The following NUFIP2 variants were observed in gnomAD, a reference collection of about 807,000 sequenced individuals.
NUFIP2 encodes nuclear FMR1 interacting protein 2.
In NUFIP2, 6 loss-of-function variants were observed where a neutral mutation model predicts 56.9. The ratio of observed to expected loss-of-function variants is 0.11; its 90% CI spans 0.06 to 0.21. NUFIP2 has a LOEUF of 0.21. NUFIP2 is among the 10% of genes least tolerant of loss of function. NUFIP2 has a pLI of 1.00. For synonymous variants in NUFIP2, 321 were observed against 298.2 expected (o/e 1.08, Z -0.79); for missense variants, 828 against 826.8 (o/e 1.00, Z -0.02).
rs1442661225 is a variant in NUFIP2 at position 29,263,688 on chromosome 17, T to C, written c.*851A>G. ...CCAGTTATACAATTACATTAAAATATGGGCACAGGAATATTTTTCCAGATT... is the reference window on the plus strand; with the variant it reads ...CCAGTTATACAATTACATTAAAATACGGGCACAGGAATATTTTTCCAGATT... On this transcript the variant is annotated 3_prime_UTR_variant, in exon 4 of 4. Coordinates refer to ENST00000225388, the MANE Select transcript of NUFIP2 (RefSeq NM_020772.3). 6.6e-6 allele frequency: 1 copy of C among 152,640 alleles called. No homozygotes were observed. The highest frequency in any genetic ancestry group is 1.5e-5 in the Non-Finnish European group (1 of 68,046). The allele number at this position is 152,640 out of a possible 1,614,324, so 9.5% of individuals were successfully genotyped here.
chr17:29,271,975 A>G (rs1445792069), intron 2 of NUFIP2, among the ~76,000 whole-genome samples: 4 of 150,282 alleles, frequency 2.7e-5, no homozygotes, highest in Non-Finnish European at 5.9e-5. Flanking sequence ...CAGGAGGCTG[A>G]GACAGGAGAA....
Position 29,258,538 on chromosome 17 carries a change from C to G in NUFIP2, c.*6001G>C, listed in dbSNP as rs2068983329. The G allele has an allele frequency of 6.6e-6, 1 of 152,144 alleles. No individual in the cohort carries two copies. The highest frequency in any genetic ancestry group is 2.4e-5 in the African/African-American group (1 of 41,426). 9.4% of individuals were successfully genotyped at this position (152,144 alleles called of 1,614,324 possible). On this transcript the variant is annotated 3_prime_UTR_variant, in exon 4 of 4. Coordinates refer to ENST00000225388, the MANE Select transcript of NUFIP2 (RefSeq NM_020772.3). Reference sequence around the variant, plus strand: ...GTCCTTTAAGCCATTCTTCCCAATTCCTCTTTCTGAGGCAGAGAGAGGGAA... The same window carrying G: ...GTCCTTTAAGCCATTCTTCCCAATTGCTCTTTCTGAGGCAGAGAGAGGGAA...
At chr17:29,284,719 A>G (rs1480684113) in intron 2 of NUFIP2, among the ~76,000 whole-genome samples, 7 of 150,636 alleles carry the variant, frequency 4.6e-5, no homozygotes, top group Non-Finnish European at 7.4e-5. Context: ...AAAAAAAAAA[A>G]AAAAAAAAGA....
intron 3 of NUFIP2, among the ~76,000 whole-genome samples, chr17:29,265,151 A>G (rs1345933357): frequency 6.6e-6 from 1 of 152,178 alleles, no homozygotes; most frequent in African/African-American, 2.4e-5. Flanking sequence ...CAGCACTAAC[A>G]AAAGACTATG....
chr17:29,265,480 T>A (rs1205274542), intron 3 of NUFIP2, among the ~76,000 whole-genome samples: 3 of 147,298 alleles, frequency 2.0e-5, no homozygotes, highest in African/African-American at 4.9e-5. Context: ...TTTTTTGTAT[T>A]TTTAGTAGAC....
intron 2 of NUFIP2, among the ~76,000 whole-genome samples, chr17:29,282,934 A>G (rs1220156909): frequency 6.6e-6 from 1 of 152,234 alleles, no homozygotes; most frequent in Non-Finnish European, 1.5e-5. Flanking sequence ...TGAGTGGCCA[A>G]TGGACTGCTA....
intron 2 of NUFIP2, among the ~76,000 whole-genome samples, chr17:29,279,819 TATTTTC>T (rs1242313682): frequency 1.3e-5 from 2 of 152,174 alleles, no homozygotes; most frequent in Non-Finnish European, 2.9e-5. Flanking sequence ...AGACTATTTT[TATTTTC>T]ATTTTTTGAG....
rs1282202339 is a variant in NUFIP2 at position 29,286,509 on chromosome 17, A to G, written c.1485T>C (p.Asp495=). ...TAQVDLPSQT[D]QQNLGDIFQN... is the part of the protein sequence containing the mutation. The stretch of plus-strand genomic sequence containing the variant: ...GGAAGATATCCCCCAGGTTTTGCTG[A>G]TCTGTCTGAGAGGGCAGATCCACTT... The change falls in exon 2 of 4, where the codon GAT becomes GAC. Residue 495 remains aspartate, a synonymous_variant. Transcript: ENST00000225388. 1.2e-6 allele frequency: 2 copies of G among 1,614,060 alleles called. No homozygotes were observed. Among genetic ancestry groups the G allele is most frequent in the Admixed American group, 3.3e-5 (2 of 60,000 alleles).
At position 29,287,722 on chromosome 17, in the gene NUFIP2, G is replaced by A. The variant is rs2153012661; in HGVS notation, c.278-6C>T. ...ACCGTTTAGTTCACCATAGCCTAGG[G>A]GAGGGGAAAAAAAGGATTAAAAAAA... On this transcript the variant is annotated splice_polypyrimidine_tract_variant and splice_region_variant and intron_variant, in intron 1 of 3. Transcript: ENST00000225388. The A allele has an allele frequency of 6.4e-7, 1 of 1,561,954 alleles. No individual in the cohort carries two copies. Among genetic ancestry groups the A allele is most frequent in the Non-Finnish European group, 8.6e-7 (1 of 1,163,422 alleles).
chr17:29,267,706 T>C (rs1427014432), intron 2 of NUFIP2, among the ~76,000 whole-genome samples, 176 bp from the exon 3 acceptor site: 1 of 152,034 alleles, frequency 6.6e-6, no homozygotes, highest in Non-Finnish European at 1.5e-5. Flanking sequence ...TATAGTTTTC[T>C]TTTTTTTAAG....
chr17:29,290,068 C>T (rs755725106), intron 1 of NUFIP2, among the ~76,000 whole-genome samples: 5 of 152,008 alleles, frequency 3.3e-5, no homozygotes, highest in African/African-American at 4.8e-5. Context: ...GCATGCACCA[C>T]GATGCCCAGT....
At chr17:29,284,662 C>T (rs1006269499) in intron 2 of NUFIP2, among the ~76,000 whole-genome samples, 2 of 140,268 alleles carry the variant, frequency 1.4e-5, no homozygotes, top group Admixed American at 7.6e-5. Context: ...GTCAAGATTG[C>T]GCCACTGCAC....
At chr17:29,285,907 A>T (rs2069170436) in intron 2 of NUFIP2, 85 bp downstream of exon 2, 1 of 1,065,598 alleles carries the variant, frequency 9.4e-7, no homozygotes, top group Middle Eastern at 2.3e-4. Context: ...TAATATGAAC[A>T]ACTAATTCTC....
At chr17:29,265,677 A>G (rs371575971) in intron 3 of NUFIP2, among the ~76,000 whole-genome samples, 30 of 143,400 alleles carry the variant, frequency 2.1e-4, no homozygotes, top group African/African-American at 7.4e-4. Flanking sequence ...TATAATTTCT[A>G]CCTTCCCTAA....
chr17:29,270,459 T>C (rs560301635), intron 2 of NUFIP2, among the ~76,000 whole-genome samples: 110 of 152,226 alleles, frequency 7.2e-4, no homozygotes, highest in East Asian at 1.9e-3. Context: ...CTTACGAATT[T>C]CTGGATTTCA....
intron 1 of NUFIP2, among the ~76,000 whole-genome samples, chr17:29,292,776 C>T (rs1265671378): frequency 6.7e-6 from 1 of 149,528 alleles, no homozygotes; most frequent in Non-Finnish European, 1.5e-5. Context: ...AGGCCGCTCC[C>T]CTCGTGGCCG....
At position 29,286,185 on chromosome 17, in the gene NUFIP2, T is replaced by C. The variant is rs1567681146; in HGVS notation, c.1809A>G (p.Lys603=). ...AAGCACCTTGACTACTGGTGTCTGC[T>C]TTCTGCAGGTCACCTATATGACTGG... ...LEPSHIGDLQ[K]ADTSSQGALV... Residue 603 remains lysine (K), a synonymous_variant, in exon 2 of 4, where the codon AAA becomes AAG. Coordinates refer to ENST00000225388, the MANE Select transcript of NUFIP2 (RefSeq NM_020772.3). 1.2e-6 allele frequency: 2 copies of C among 1,614,006 alleles called. No individual in the cohort carries two copies.
chr17:29,270,304 T>G (rs1466622519), intron 2 of NUFIP2, among the ~76,000 whole-genome samples: 1 of 122,700 alleles, frequency 8.1e-6, no homozygotes, highest in Non-Finnish European at 1.7e-5. Flanking sequence ...AGGGGAGAAC[T>G]ATAATCAATC....
chr17:29,267,985 G>A lies in NUFIP2; in HGVS notation c.2003-455C>T, dbSNP rs1471889922. ...CTGATCTCGGCTCACTGCAACCTCC[G>A]CCTCTCGGGTTCCAGCGCTTCTCCT... On this transcript the variant is annotated intron_variant, in intron 2 of 3. Coordinates refer to ENST00000225388, the MANE Select transcript of NUFIP2 (RefSeq NM_020772.3). Among the ~76,000 whole-genome samples, 4 of 152,080 alleles carry A rather than the reference G, an allele frequency of 2.6e-5. No individual in the cohort carries two copies. The East Asian group carries it at 7.8e-4, about 30-fold the overall frequency.
Sources: allele counts gnomAD v4.1 joint callset (sites outside exome capture counted in the v4.1 genomes callset), GRCh38; gene constraint gnomAD v4.1.1; transcripts MANE v1.5; gene names NCBI Gene and HGNC (gene_info 2026-07-23, HGNC 2026-07-21).